The following IMMP2L variants were observed in gnomAD, a reference collection of about 807,000 sequenced individuals.
The protein encoded by IMMP2L is inner mitochondrial membrane peptidase subunit 2.
In IMMP2L, 18 loss-of-function variants were observed where a neutral mutation model predicts 19.3. That is an observed-to-expected ratio of 0.93 (90% CI 0.64 to 1.38). IMMP2L has a LOEUF of 1.38. Among genes scored for constraint, IMMP2L ranks in the 40% most tolerant of loss-of-function variants. The pLI is 0.00. For missense variants in IMMP2L, 233 were observed against 218.2 expected (o/e 1.07, Z -0.43); for synonymous variants, 76 against 73.0 (o/e 1.04, Z -0.21).
chr7:111,360,774 T>A (rs1829186192), intron 3 of IMMP2L, among the ~76,000 whole-genome samples: 1 of 152,110 alleles, frequency 6.6e-6, no homozygotes, highest in Non-Finnish European at 1.5e-5. Context: ...GCTATGATTA[T>A]GCTGCTGCAC....
chr7:111,256,777 T>A (rs7804021), intron 3 of IMMP2L, among the ~76,000 whole-genome samples: 54,251 of 151,834 alleles, frequency 0.36, 10,131 homozygotes, highest in South Asian at 0.61. Context: ...ACACATTAAA[T>A]TATCATATAC....
intron 3 of IMMP2L, among the ~76,000 whole-genome samples, chr7:111,237,968 T>TAG (rs1284976767): frequency 1.3e-5 from 2 of 152,104 alleles, no homozygotes; most frequent in Non-Finnish European, 2.9e-5. Context: ...GCACCTAACA[T>TAG]AGTATTTGGC....
intron 5 of IMMP2L, among the ~76,000 whole-genome samples, chr7:110,792,078 T>C (rs1010441054): frequency 6.6e-6 from 1 of 151,836 alleles, no homozygotes; most frequent in African/African-American, 2.4e-5. Flanking sequence ...GATTTCTACC[T>C]ATCATCTATG....
At chr7:111,297,938 C>T (rs1168014318) in intron 3 of IMMP2L, among the ~76,000 whole-genome samples, 4 of 151,976 alleles carry the variant, frequency 2.6e-5, no homozygotes, top group Non-Finnish European at 5.9e-5. Flanking sequence ...CAGGGTACTC[C>T]TTCACATCTT....
intron 5 of IMMP2L, among the ~76,000 whole-genome samples, chr7:110,858,541 T>C (rs966063128): frequency 1.3e-5 from 2 of 152,120 alleles, no homozygotes; most frequent in African/African-American, 4.8e-5. Flanking sequence ...CCAGAACCTA[T>C]AGCATTAGCT....
chr7:110,733,836 T>A (rs1372518383), intron 5 of IMMP2L, among the ~76,000 whole-genome samples: 2 of 152,052 alleles, frequency 1.3e-5, no homozygotes, highest in Non-Finnish European at 2.9e-5. Context: ...CATTCATCCA[T>A]TCCATCATGT....
In IMMP2L at chr7:111,311,814, T is replaced by G. The variant is rs554857608; in HGVS notation, c.239+175424A>C. Among the ~76,000 whole-genome samples the G allele has an allele frequency of 5.9e-5, 9 of 152,286 alleles. No individual in the cohort carries two copies. In the East Asian group the frequency reaches 9.7e-4, roughly 16 times the overall value. On this transcript the variant is annotated intron_variant, in intron 3 of 5. Coordinates refer to ENST00000405709, the MANE Select transcript of IMMP2L (RefSeq NM_032549.4). ...GTTTGGTGTCACAATAGTCTGATTG[T>G]CACTCTGGCTCTTCCACCCATTATC... is the stretch of plus-strand genomic sequence containing the variant.
At chr7:111,268,385 C>T (rs980062179) in intron 3 of IMMP2L, among the ~76,000 whole-genome samples, 43 of 150,732 alleles carry the variant, frequency 2.9e-4, no homozygotes, top group African/African-American at 1.0e-3. Flanking sequence ...CATGGTTTTG[C>T]CCAGGAACAG....
chr7:110,831,169 T>C (rs1029800581), intron 5 of IMMP2L, among the ~76,000 whole-genome samples: 3 of 152,072 alleles, frequency 2.0e-5, no homozygotes, highest in African/African-American at 7.2e-5. Context: ...TCCTCGACCC[T>C]TAAAGTTGGC....
intron 3 of IMMP2L, among the ~76,000 whole-genome samples, chr7:111,379,809 T>A (rs952189056): frequency 2.6e-5 from 4 of 151,856 alleles, no homozygotes; most frequent in Non-Finnish European, 4.4e-5. Context: ...AACTAGCAAG[T>A]CAGTTCGAGT....
At chr7:111,488,831 G>C (rs566694021) in intron 2 of IMMP2L, among the ~76,000 whole-genome samples, 2 of 152,158 alleles carry the variant, frequency 1.3e-5, no homozygotes, top group South Asian at 4.1e-4. Flanking sequence ...CAGCGTAAAA[G>C]TGTTTCCTTT....
intron 5 of IMMP2L, among the ~76,000 whole-genome samples, chr7:110,815,665 A>G (rs1802437901): frequency 6.6e-6 from 1 of 152,062 alleles, no homozygotes; most frequent in African/African-American, 2.4e-5. Context: ...GTCTATTCAG[A>G]GATTCAACTT....
intron 5 of IMMP2L, among the ~76,000 whole-genome samples, chr7:110,671,551 T>C (rs990672246): frequency 2.0e-5 from 3 of 152,176 alleles, no homozygotes; most frequent in Non-Finnish European, 4.4e-5. Flanking sequence ...AAATTTGCAC[T>C]GAATTGCCTG....
intron 3 of IMMP2L, among the ~76,000 whole-genome samples, chr7:111,279,240 T>C (rs988448357): frequency 3.3e-5 from 5 of 152,216 alleles, no homozygotes; most frequent in Non-Finnish European, 7.3e-5. Context: ...GGAACTAATG[T>C]GGTCTTAGCC....
At chr7:111,161,240 A>G (rs1267828348) in intron 3 of IMMP2L, among the ~76,000 whole-genome samples, 1 of 151,898 alleles carries the variant, frequency 6.6e-6, no homozygotes, top group African/African-American at 2.4e-5. Context: ...TCCCAACTCT[A>G]TGAAGTCAAT....
chr7:110,746,228 C>CA (rs1797336355), intron 5 of IMMP2L, among the ~76,000 whole-genome samples: 1 of 152,072 alleles, frequency 6.6e-6, no homozygotes, highest in African/African-American at 2.4e-5. Flanking sequence ...TATATGCACC[C>CA]AATACAGGAG....
intron 4 of IMMP2L, among the ~76,000 whole-genome samples, chr7:110,933,339 T>C (rs1394328376): frequency 6.6e-6 from 1 of 152,182 alleles, no homozygotes; most frequent in African/African-American, 2.4e-5. Flanking sequence ...CAGATATAAC[T>C]GGAGGGAAGG....
At chr7:111,445,687 A>C (rs1838287966) in intron 3 of IMMP2L, among the ~76,000 whole-genome samples, 1 of 150,710 alleles carries the variant, frequency 6.6e-6, no homozygotes, top group African/African-American at 2.5e-5. Flanking sequence ...TAATTAAAGA[A>C]CAGGGAAGAG....
At chr7:111,212,188 CTT>C (rs545257525) in intron 3 of IMMP2L, among the ~76,000 whole-genome samples, 8 of 152,088 alleles carry the variant, frequency 5.3e-5, no homozygotes, top group Non-Finnish European at 8.8e-5. Flanking sequence ...CTCTCTCTCT[CTT>C]TCTCAACTTT....
Sources: gnomAD v4.1 joint callset for allele counts (sites outside exome capture counted in the v4.1 genomes callset) on GRCh38, gnomAD v4.1.1 for gene constraint, MANE v1.5 for transcripts, NCBI Gene and HGNC (gene_info 2026-07-23, HGNC 2026-07-21) for gene names.